The following NKD1 variants were observed in gnomAD, a reference collection of about 807,000 sequenced individuals.
NKD1 encodes the protein protein naked cuticle homolog 1.
NKD1 carries 21 observed loss-of-function variants against 56.0 expected under a neutral mutation model. The ratio of observed to expected loss-of-function variants is 0.38; its 90% CI spans 0.27 to 0.54. NKD1 has a LOEUF of 0.54. Ranked by LOEUF, NKD1 falls within the 20% of genes least tolerant of loss-of-function variation. The pLI is 0.82. For missense variants in NKD1, 578 were observed against 642.7 expected (o/e 0.90, Z 1.09); for synonymous variants, 263 against 265.7 (o/e 0.99, Z 0.10).
intron 4 of NKD1, among the ~76,000 whole-genome samples, chr16:50,608,787 GCACA>G (rs141514805): frequency 6.6e-6 from 1 of 151,882 alleles, no homozygotes; most frequent in Admixed American, 6.6e-5. Context: ...GCATGAGTGT[GCACA>G]CACACACACA....
chr16:50,589,471 A>AGCTCTGGGCAGCTGGCACTTGCAGCCC (rs1310636835), intron 3 of NKD1, among the ~76,000 whole-genome samples: 1 of 152,080 alleles, frequency 6.6e-6, no homozygotes. Context: ...GCACGGTGGA[A>AGCTCTGGGCAGCTGGCACTTGCAGCCC]GCTCTGGGCA....
rs1261339756 is a variant in NKD1 at position 50,645,278 on chromosome 16, T to C, written c.*11497T>C. 1 of 150,864 alleles carries C rather than the reference T, an allele frequency of 6.6e-6. No individual in the cohort carries two copies. Among genetic ancestry groups the C allele is most frequent in the Non-Finnish European group, 1.5e-5 (1 of 67,764 alleles). 9.3% of individuals were successfully genotyped at this position (150,864 alleles called of 1,614,324 possible). On this transcript the variant is annotated 3_prime_UTR_variant, in exon 10 of 10. Coordinates refer to ENST00000268459, the MANE Select transcript of NKD1 (RefSeq NM_033119.5). ...CACTGCGATAACTTCTGGGGAGACA[T>C]GGGAGGGAATAACAGAGGGGACATG...
intron 2 of NKD1, 105 bp from the exon 3 acceptor site, chr16:50,549,317 G>T: frequency 1.4e-6 from 2 of 1,418,054 alleles, no homozygotes. Context: ...CCTGGCCCCC[G>T]TGCCGTGGTC....
intron 3 of NKD1, among the ~76,000 whole-genome samples, chr16:50,594,957 A>G (rs1447422577): frequency 1.3e-5 from 2 of 152,208 alleles, no homozygotes; most frequent in Non-Finnish European, 2.9e-5. Flanking sequence ...TGAGAAGTCC[A>G]CGCAGCATTC....
At chr16:50,583,080 C>T (rs572023412) in intron 3 of NKD1, among the ~76,000 whole-genome samples, 4 of 152,176 alleles carry the variant, frequency 2.6e-5, no homozygotes, top group Admixed American at 6.5e-5. Context: ...CAGAGGGGGC[C>T]GCGTGTAGGA....
intron 6 of NKD1, among the ~76,000 whole-genome samples, chr16:50,626,406 G>C (rs1012509293): frequency 1.3e-5 from 2 of 152,246 alleles, no homozygotes; most frequent in African/African-American, 4.8e-5. Flanking sequence ...CTGGGACAGA[G>C]ACTGGCTGGA....
intron 3 of NKD1, chr16:50,570,854 G>A (rs1473629382): frequency 1.0e-6 from 1 of 985,326 alleles, no homozygotes; most frequent in Non-Finnish European, 1.2e-6. Context: ...CATCTGTACA[G>A]CACCTTGTGC....
chr16:50,622,820 A>C (rs1406500366), intron 5 of NKD1, among the ~76,000 whole-genome samples: 2 of 151,348 alleles, frequency 1.3e-5, no homozygotes, highest in African/African-American at 2.4e-5. Context: ...CAAGGAGTGC[A>C]CAGTGTGACC....
chr16:50,613,299 G>T (rs541113934), intron 4 of NKD1, among the ~76,000 whole-genome samples: 1 of 152,264 alleles, frequency 6.6e-6, no homozygotes, highest in Non-Finnish European at 1.5e-5. Flanking sequence ...GAGAGAGCGA[G>T]TCAAGACTTC....
rs1720432629 is a variant in NKD1, at chr16:50,635,059, A to G, written c.*1278A>G. 6.6e-6 allele frequency: 1 copy of G among 152,228 alleles called. No homozygotes were observed. Among genetic ancestry groups the G allele is most frequent in the Admixed American group, 6.5e-5 (1 of 15,292 alleles). The allele number at this position is 152,228 out of a possible 1,614,324, so 9.4% of individuals were successfully genotyped here. A position where few individuals can be genotyped will look rare whatever the true frequency, so the allele number is the denominator to read the frequency against. ...GCAGATTACACACTCAAATTGGGTA[A>G]TTTGAGCAGAGCTTAATAAAGGCAG... is the stretch of plus-strand genomic sequence containing the variant. On this transcript the variant is annotated 3_prime_UTR_variant, in exon 10 of 10. Transcript: ENST00000268459. The surrounding 1 kb of genome is among the most constrained non-coding windows in gnomAD (Gnocchi z 4.1).
chr16:50,626,588 A>G (rs371150909), intron 6 of NKD1, among the ~76,000 whole-genome samples: 216 of 152,338 alleles, frequency 1.4e-3, no homozygotes, highest in Middle Eastern at 6.8e-3. Flanking sequence ...AATCAGCAGA[A>G]GAGACACAGA....
At chr16:50,625,643 G>A in intron 6 of NKD1, 63 bp downstream of exon 6, 4 of 1,030,520 alleles carry the variant, frequency 3.9e-6, no homozygotes, top group Admixed American at 1.8e-5. Flanking sequence ...CCTGGGCACA[G>A]CACCCTGCCA....
Position 50,644,066 on chromosome 16 carries a change from A to G in NKD1, c.*10285A>G, listed in dbSNP as rs1037230563. ...CGAAAGCAGAGCATCATCTTGTTCGACCTCAGTTGAGAACATGTTGTCGGG... is the reference window on the plus strand; with the variant it reads ...CGAAAGCAGAGCATCATCTTGTTCGGCCTCAGTTGAGAACATGTTGTCGGG... On this transcript the variant is annotated 3_prime_UTR_variant, in exon 10 of 10. Transcript: ENST00000268459. The G allele has an allele frequency of 4.6e-5, 7 of 152,254 alleles. No individual in the cohort carries two copies. The highest frequency in any genetic ancestry group is 8.8e-5 in the Non-Finnish European group (6 of 68,054). 9.4% of individuals were successfully genotyped at this position (152,254 alleles called of 1,614,324 possible).
intron 3 of NKD1, among the ~76,000 whole-genome samples, chr16:50,565,908 T>C (rs765372525): frequency 6.6e-6 from 1 of 152,258 alleles, no homozygotes; most frequent in Non-Finnish European, 1.5e-5. Context: ...GATTCCTTAC[T>C]ACTGGGCATT....
At chr16:50,608,228 CT>C in intron 3 of NKD1, 65 bp from the exon 4 acceptor site, 2 of 1,119,116 alleles carry the variant, frequency 1.8e-6, no homozygotes, top group Middle Eastern at 1.9e-4. Flanking sequence ...CATGGCACTG[CT>C]TTTAACGTCC....
At chr16:50,548,610 GC>G in intron 1 of NKD1, 32 bp downstream of exon 1, 2 of 1,449,208 alleles carry the variant, frequency 1.4e-6, no homozygotes, top group South Asian at 1.3e-5. Flanking sequence ...CTCGCCCCGG[GC>G]CCCGCCGCCG....
chr16:50,597,421 G>A (rs780350602), intron 3 of NKD1, among the ~76,000 whole-genome samples: 14 of 152,314 alleles, frequency 9.2e-5, no homozygotes, highest in Non-Finnish European at 1.8e-4. Context: ...TGGAAAAACC[G>A]CTTTGGAAAA....
chr16:50,564,735 A>G (rs1960720390), intron 3 of NKD1, among the ~76,000 whole-genome samples: 1 of 152,206 alleles, frequency 6.6e-6, no homozygotes, highest in Non-Finnish European at 1.5e-5. Flanking sequence ...TTATGGAGCC[A>G]GGCTGTTCTG....
intron 3 of NKD1, among the ~76,000 whole-genome samples, chr16:50,589,531 G>A (rs910661215): frequency 1.1e-4 from 16 of 152,322 alleles, no homozygotes; most frequent in African/African-American, 3.8e-4. Context: ...GCACCATTAA[G>A]ACAGGGCTGT....
Sources: gnomAD v4.1 joint callset for allele counts (sites outside exome capture counted in the v4.1 genomes callset) on GRCh38, gnomAD v4.1.1 for gene constraint, Gnocchi (gnomAD v3.1) non-coding constraint, MANE v1.5 for transcripts, NCBI Gene and HGNC (gene_info 2026-07-23, HGNC 2026-07-21) for gene names.